The following TNRC6C variants were observed in gnomAD, a reference collection of about 807,000 sequenced individuals.
TNRC6C encodes the protein trinucleotide repeat containing adaptor 6C.
In TNRC6C, 20 loss-of-function variants were observed where a neutral mutation model predicts 153.7. The observed-to-expected ratio is 0.13, with a 90% confidence interval of 0.09 to 0.19. The LOEUF (loss-of-function observed/expected upper bound fraction) is 0.19, where lower values mean the gene tolerates loss of function less well. Ranked by LOEUF, TNRC6C falls within the 10% of genes least tolerant of loss-of-function variation. The pLI, the probability that TNRC6C is intolerant of heterozygous loss-of-function variation, is 1.00. For synonymous variants in TNRC6C, 811 were observed against 841.4 expected (o/e 0.96, Z 0.63); for missense variants, 1,987 against 2,172.0 (o/e 0.91, Z 1.69).
intron 3 of TNRC6C, among the ~76,000 whole-genome samples, chr17:78,063,017 G>T (rs186395216): frequency 6.6e-6 from 1 of 151,944 alleles, no homozygotes; most frequent in East Asian, 1.9e-4. Context: ...AGGCTGAAGC[G>T]GGGGGATCAC....
Position 78,063,116 on chromosome 17 carries a change from C to T in TNRC6C, c.2396-1606C>T, listed in dbSNP as rs575895157. Among the ~76,000 whole-genome samples, 5 of 151,856 alleles carry T rather than the reference C, an allele frequency of 3.3e-5. No homozygotes were observed. In the East Asian group the frequency reaches 7.7e-4, roughly 24 times the overall value. Reference sequence around the variant, plus strand: ...CAAAAATTAGCCGAGCATGTTGTTGCGTGCCTGTAGTCCCAGCTACTCAGG... The same window carrying T: ...CAAAAATTAGCCGAGCATGTTGTTGTGTGCCTGTAGTCCCAGCTACTCAGG... On this transcript the variant is annotated intron_variant, in intron 3 of 19. Transcript: ENST00000301624.
At chr17:78,038,510 A>T (rs1418421482) in intron 2 of TNRC6C, among the ~76,000 whole-genome samples, 1 of 144,404 alleles carries the variant, frequency 6.9e-6, no homozygotes, top group Non-Finnish European at 1.5e-5. Flanking sequence ...CATCTCTACT[A>T]AAAAAAAAAA....
At chr17:78,005,247 C>T (rs1598671875) in intron 1 of TNRC6C, among the ~76,000 whole-genome samples, 168 bp downstream of exon 3, 2 of 152,164 alleles carry the variant, frequency 1.3e-5, no homozygotes, top group East Asian at 3.9e-4. Context: ...ACTGGTTTTA[C>T]ATCTGCATCT....
intron 13 of TNRC6C, 97 bp downstream of exon 15, chr17:78,087,190 C>T: frequency 6.6e-7 from 1 of 1,520,002 alleles, no homozygotes; most frequent in Admixed American, 2.1e-5. Flanking sequence ...GTTAGGAGGA[C>T]TGGCCAGCGC....
At chr17:78,071,424 T>C (rs75702970) in intron 6 of TNRC6C, among the ~76,000 whole-genome samples, 1 of 142,682 alleles carries the variant, frequency 7.0e-6, no homozygotes, top group Admixed American at 6.9e-5. Flanking sequence ...TAGAAAATGC[T>C]TTTTTTTTTT....
chr17:78,077,265 A>G, exon 9 of TNRC6C: 1 of 1,596,608 alleles, frequency 6.3e-7, no homozygotes, highest in East Asian at 2.3e-5. Context: ...CACACAGTGC[A>G]CTCCCCAGTC....
intron 1 of TNRC6C, among the ~76,000 whole-genome samples, chr17:77,973,800 C>T (rs1356780102): frequency 2.0e-5 from 3 of 151,952 alleles, no homozygotes; most frequent in Non-Finnish European, 4.4e-5. Context: ...ATGTTTACAC[C>T]GAAACTGCAA....
rs1354683460 is a variant in TNRC6C at position 78,083,184 on chromosome 17, T to G, written c.3477+18T>G. ...TGCAGCTGGTGAGTGGATAGACCCA[T>G]GCAAGTTAGAGCACGCAGGCCGAGT... On this transcript the variant is annotated intron_variant, in intron 11 of 19. Transcript: ENST00000301624. The G allele has an allele frequency of 1.9e-6, 3 of 1,613,402 alleles. No homozygotes were observed. Among genetic ancestry groups the G allele is most frequent in the Admixed American group, 1.7e-5 (1 of 60,006 alleles).
At chr17:78,009,860 T>C (rs2071593316) in intron 1 of TNRC6C, among the ~76,000 whole-genome samples, 1 of 151,888 alleles carries the variant, frequency 6.6e-6, no homozygotes. Flanking sequence ...GCCTGAATTA[T>C]GATTTTTAAG....
chr17:78,062,147 C>T lies in TNRC6C; in HGVS notation c.2396-2575C>T, dbSNP rs191597521. On this transcript the variant is annotated intron_variant, in intron 3 of 19. Coordinates refer to ENST00000301624, the Ensembl canonical transcript of TNRC6C. ...GTCCTTTCAATTTGTAAAACTACTTCTCCCAATATATATTATTGTCTTTTG... is the reference window on the plus strand; with the variant it reads ...GTCCTTTCAATTTGTAAAACTACTTTTCCCAATATATATTATTGTCTTTTG... Among the ~76,000 whole-genome samples, 723 of 152,262 alleles carry T rather than the reference C, an allele frequency of 4.7e-3. 5 individuals are homozygous for T. The highest frequency in any genetic ancestry group is 0.017 in the African/African-American group (690 of 41,552).
chr17:78,064,963 G>T (rs761176799), intron 4 of TNRC6C, 26 bp downstream of exon 6: 1 of 1,581,300 alleles, frequency 6.3e-7, no homozygotes, highest in Non-Finnish European at 8.6e-7. Flanking sequence ...TGCTTGCCCT[G>T]ATCTGGCAAT....
rs1472706486 is a variant in TNRC6C at position 78,066,330 on chromosome 17, T to G, written c.2611+1393T>G. Reference sequence around the variant, plus strand: ...ATCTTAAAATGCAACTTTATTGGTTTTGTACTTTGTGGTTTTTTTTGGTTT... The same window carrying G: ...ATCTTAAAATGCAACTTTATTGGTTGTGTACTTTGTGGTTTTTTTTGGTTT... On this transcript the variant is annotated intron_variant, in intron 4 of 19. Coordinates refer to ENST00000301624, the Ensembl canonical transcript of TNRC6C. 5 of 152,358 alleles carry G rather than the reference T, an allele frequency of 3.3e-5. No homozygotes were observed. The East Asian group carries it at 9.6e-4, about 29-fold the overall frequency. 9.4% of individuals were successfully genotyped at this position (152,358 alleles called of 1,614,324 possible).
At chr17:78,087,993 G>A (rs1268247608) in intron 13 of TNRC6C, among the ~76,000 whole-genome samples, 4 of 152,212 alleles carry the variant, frequency 2.6e-5, no homozygotes, top group Non-Finnish European at 5.9e-5. Context: ...ATTGCTATTA[G>A]AGTCTGTAGA....
At chr17:77,979,201 A>T (rs536814309) in intron 1 of TNRC6C, among the ~76,000 whole-genome samples, 14 of 152,368 alleles carry the variant, frequency 9.2e-5, no homozygotes, top group Non-Finnish European at 1.6e-4. Context: ...GAAAAGTGCA[A>T]TATAGGGTGA....
chr17:78,104,887 G>GACCCCTCCCGGC lies in TNRC6C; in HGVS notation c.*43_*54dup, dbSNP rs570330813. 8.2e-5 allele frequency: 115 copies of GACCCCTCCCGGC among 1,395,118 alleles called. No individual in the cohort carries two copies. The Admixed American group carries it at 1.6e-3, about 19-fold the overall frequency. The allele number at this position is 1,395,118 out of a possible 1,614,324, so 86.4% of individuals were successfully genotyped here. On this transcript the variant is annotated 3_prime_UTR_variant, in exon 20 of 20. Transcript: ENST00000301624. This position sits in a 1 kb window ranked among gnomAD's most constrained non-coding sequence, Gnocchi z 6.2. ...CACCAGGAGAGCCGACCCCTCCCGG[G>GACCCCTCCCGGC]ACCCCTCCCGGCTGGGCGGCCCCAC...
At chr17:77,958,476 G>A (rs1280694152), upstream of TNRC6C, among the ~76,000 whole-genome samples, 3 of 152,008 alleles carry the variant, frequency 2.0e-5, no homozygotes, top group Admixed American at 1.3e-4. Flanking sequence ...GTATTAAGGG[G>A]AAAGGAGGAG....
intron 1 of TNRC6C, among the ~76,000 whole-genome samples, chr17:78,011,008 A>G (rs2071619783): frequency 6.6e-6 from 1 of 152,248 alleles, no homozygotes; most frequent in African/African-American, 2.4e-5. Context: ...TGAGTCTCAG[A>G]TAAAGTGAAA....
chr17:77,958,690 G>C (rs1208834390), upstream of TNRC6C, among the ~76,000 whole-genome samples: 4 of 151,994 alleles, frequency 2.6e-5, no homozygotes, highest in East Asian at 7.8e-4. Context: ...GCGGGGGGAG[G>C]GGGGTTCTTG....
chr17:78,057,981 C>T (rs1017976899), intron 3 of TNRC6C, among the ~76,000 whole-genome samples: 1 of 152,140 alleles, frequency 6.6e-6, no homozygotes, highest in Non-Finnish European at 1.5e-5. Flanking sequence ...ATTGTCTGGA[C>T]CTGGTTCAGG....
Sources: gnomAD v4.1 joint callset for allele counts (sites outside exome capture counted in the v4.1 genomes callset) on GRCh38, gnomAD v4.1.1 for gene constraint, Gnocchi (gnomAD v3.1) non-coding constraint, MANE v1.5 for transcripts, NCBI Gene and HGNC (gene_info 2026-07-23, HGNC 2026-07-21) for gene names.